The following OPRL1 variants were observed in gnomAD, a reference collection of about 807,000 sequenced individuals.
The protein encoded by OPRL1 is opioid related nociceptin receptor 1.
In OPRL1, 5 loss-of-function variants were observed where a neutral mutation model predicts 15.5. The ratio of observed to expected loss-of-function variants is 0.32; its 90% CI spans 0.17 to 0.68. The LOEUF (loss-of-function observed/expected upper bound fraction) is 0.68, where lower values mean the gene tolerates loss of function less well. Ranked by LOEUF, OPRL1 falls within the 30% of genes least tolerant of loss-of-function variation. The probability of loss-of-function intolerance (pLI) is 0.72; values close to 1 mark genes in which losing one functional copy is unlikely to be tolerated. For missense variants in OPRL1, 406 were observed against 515.3 expected (o/e 0.79, Z 2.05); for synonymous variants, 223 against 230.2 (o/e 0.97, Z 0.28).
In OPRL1 at chr20:64,097,850, C is replaced by A. The variant is rs1979362686; in HGVS notation, c.282C>A (p.Ala94=). Residue 94 remains alanine, a synonymous_variant, in exon 4 of 5, where the codon GCC becomes GCA. Transcript: ENST00000336866. This position sits in a 1 kb window ranked among gnomAD's most constrained non-coding sequence, Gnocchi z 4.2. ...TATNIYIFNL[A]LADTLVLLTL... is the part of the protein sequence containing the mutation. ...CCAATATTTACATCTTTAACCTGGCCCTGGCCGACACTCTGGTCCTGCTGA... is the reference window on the plus strand; with the variant it reads ...CCAATATTTACATCTTTAACCTGGCACTGGCCGACACTCTGGTCCTGCTGA... 1.2e-6 allele frequency: 2 copies of A among 1,613,618 alleles called. No individual in the cohort carries two copies. The highest frequency in any genetic ancestry group is 2.2e-5 in the South Asian group (2 of 91,088).
intron 4 of OPRL1, 25 bp downstream of exon 4, chr20:64,098,182 C>G: frequency 6.2e-7 from 1 of 1,607,230 alleles, no homozygotes; most frequent in Non-Finnish European, 8.5e-7. Flanking sequence ...CCCTCCTCCC[C>G]TCACCAGGCT....
intron 1 of OPRL1, among the ~76,000 whole-genome samples, chr20:64,088,974 G>T (rs372305427): frequency 7.0e-6 from 1 of 143,806 alleles, no homozygotes; most frequent in Non-Finnish European, 1.5e-5. Context: ...TTGCAAGGGG[G>T]CAGGATCTTT....
Position 64,099,209 on chromosome 20 carries a change from G to A in OPRL1, c.*410G>A, listed in dbSNP as rs563577664. On this transcript the variant is annotated 3_prime_UTR_variant, in exon 5 of 5. Coordinates refer to ENST00000336866, the MANE Select transcript of OPRL1 (RefSeq NM_182647.4). ...CTGGGTGGGCAGGCACCCGGAGGAG[G>A]AGCAGCAGCTGTGTCATCCTGTGCC... The A allele has an allele frequency of 6.2e-5, 15 of 240,640 alleles. No homozygotes were observed. Among genetic ancestry groups the A allele is most frequent in the African/African-American group, 3.1e-4 (14 of 44,466 alleles). 14.9% of individuals were successfully genotyped at this position (240,640 alleles called of 1,614,324 possible).
intron 1 of OPRL1, among the ~76,000 whole-genome samples, chr20:64,088,956 C>T (rs1340194441): frequency 8.5e-6 from 1 of 117,640 alleles, no homozygotes; most frequent in East Asian, 2.4e-4. Context: ...GCAGAGTGGC[C>T]AGGGTCTTTG....
At chr20:64,088,199 G>T (rs2060070039) in intron 1 of OPRL1, among the ~76,000 whole-genome samples, 1 of 152,256 alleles carries the variant, frequency 6.6e-6, no homozygotes, top group Non-Finnish European at 1.5e-5. Context: ...CCTGGGGTAG[G>T]CTTCTTGGAG....
intron 1 of OPRL1, chr20:64,084,180 G>A: frequency 6.9e-7 from 1 of 1,447,968 alleles, no homozygotes; most frequent in South Asian, 1.4e-5. Flanking sequence ...CTTCGCTCCC[G>A]CGGGCCCTTG....
chr20:64,089,867 G>A lies in OPRL1; in HGVS notation c.-184-2099G>A, dbSNP rs1424579570. 1.3e-5 allele frequency among the ~76,000 whole-genome samples: 2 copies of A among 152,212 alleles called. No homozygotes were observed. Among genetic ancestry groups the A allele is most frequent in the East Asian group, 1.9e-4 (1 of 5,194 alleles). ...TGGGAGGCAGGCTCAGGAAGCTCGG[G>A]TAGGAGGGTCTAGGGTCTCCTGCTC... On this transcript the variant is annotated intron_variant, in intron 1 of 4. Transcript: ENST00000336866. The surrounding 1 kb of genome is among the most constrained non-coding windows in gnomAD (Gnocchi z 5.5).
In OPRL1 at chr20:64,098,068, C is replaced by T. The variant is rs1457987866; in HGVS notation, c.500C>T (p.Ala167Val). Reference sequence around the variant, plus strand: ...CTCGACGTCCGCACGTCCAGCAAAGCCCAGGCTGTCAATGTGGCCATCTGG... The same window carrying T: ...CTCGACGTCCGCACGTCCAGCAAAGTCCAGGCTGTCAATGTGGCCATCTGG... ...RALDVRTSSK[A>V]QAVNVAIWAL... The change falls in exon 4 of 5, where the codon GCC becomes GTC. Residue 167 changes from alanine to valine, a missense_variant. Coordinates refer to ENST00000336866, the MANE Select transcript of OPRL1 (RefSeq NM_182647.4). 1.2e-6 allele frequency: 2 copies of T among 1,613,452 alleles called. No homozygotes were observed. The highest frequency in any genetic ancestry group is 1.7e-6 in the Non-Finnish European group (2 of 1,180,004).
intron 1 of OPRL1, among the ~76,000 whole-genome samples, chr20:64,088,609 TG>T (rs2060079549): frequency 6.6e-5 from 10 of 150,732 alleles, no homozygotes; most frequent in Admixed American, 6.6e-4. Flanking sequence ...GTAGGATCTG[TG>T]CAGAGTGGCC....
Position 64,097,962 on chromosome 20 carries a change from T to C in OPRL1, c.394T>C (p.Tyr132His), listed in dbSNP as rs138688007. 1 of 1,613,720 alleles carries C rather than the reference T, an allele frequency of 6.2e-7. No individual in the cohort carries two copies. The highest frequency in any genetic ancestry group is 8.5e-7 in the Non-Finnish European group (1 of 1,180,028). Residue 132 changes from tyrosine to histidine, a missense_variant, in exon 4 of 5, where the codon TAC becomes CAC. Tyr to His is a moderately conservative substitution (Grantham distance 83). Transcript: ENST00000336866. This position sits in a 1 kb window ranked among gnomAD's most constrained non-coding sequence, Gnocchi z 4.2. The part of the protein sequence containing the change: ...LCKTVIAIDY[Y>H]NMFTSTFTLT... ...CAAGACAGTCATTGCCATTGACTAC[T>C]ACAACATGTTCACCAGCACCTTCAC...
At position 64,092,739 on chromosome 20, in the gene OPRL1, G is replaced by T. The variant is rs375635141; in HGVS notation, c.19G>T (p.Ala7Ser). 1.7e-5 allele frequency: 28 copies of T among 1,612,500 alleles called. No homozygotes were observed. Among genetic ancestry groups the T allele is most frequent in the East Asian group, 1.1e-4 (5 of 44,846 alleles). The change falls in exon 3 of 5, where the codon GCG (alanine) becomes TCG (serine). Residue 7 changes from alanine to serine, a missense_variant. Ala to Ser is a moderately conservative substitution (Grantham distance 99). Transcript: ENST00000336866. ...CAGTGGCATGGAGCCCCTCTTCCCC[G>T]CGCCGTTCTGGGAGGTTATCTACGG... The part of the protein sequence containing the change: MEPLFP[A>S]PFWEVIYGSH...
rs752611444 is a variant in OPRL1 at position 64,092,963 on chromosome 20, G to A, written c.233+10G>A. ...TGTACGTCATCCTCAGGTAGGCTGG[G>A]CCCCAAGGTTCCTGTCTGGTGAGTC... On this transcript the variant is annotated intron_variant, in intron 3 of 4. Transcript: ENST00000336866. The A allele has an allele frequency of 6.2e-7, 1 of 1,610,076 alleles. No homozygotes were observed. Among genetic ancestry groups the A allele is most frequent in the East Asian group, 2.2e-5 (1 of 44,806 alleles).
chr20:64,092,342 G>A (rs2060127559), intron 2 of OPRL1, among the ~76,000 whole-genome samples: 1 of 152,218 alleles, frequency 6.6e-6, no homozygotes, highest in African/African-American at 2.4e-5. Context: ...GCGAGTGGCT[G>A]TGTGTTCATC....
At chr20:64,085,998 C>T (rs946620334) in intron 1 of OPRL1, among the ~76,000 whole-genome samples, 1 of 152,174 alleles carries the variant, frequency 6.6e-6, no homozygotes, top group African/African-American at 2.4e-5. Context: ...CCTGCAGGTG[C>T]CTTTGGGGTC....
In OPRL1 at chr20:64,090,654, C is replaced by T. The variant is rs1051433998; in HGVS notation, c.-184-1312C>T. Among the ~76,000 whole-genome samples, 2 of 152,180 alleles carry T rather than the reference C, an allele frequency of 1.3e-5. No homozygotes were observed. Among genetic ancestry groups the T allele is most frequent in the African/African-American group, 4.8e-5 (2 of 41,440 alleles). On this transcript the variant is annotated intron_variant, in intron 1 of 4. Transcript: ENST00000336866. This position sits in a 1 kb window ranked among gnomAD's most constrained non-coding sequence, Gnocchi z 4.9. ...CTCAGTGGATCAGGCATGGGACCCC[C>T]GTGCTGAGAAGGAGGCAACTCTGAA... is the stretch of plus-strand genomic sequence containing the variant.
chr20:64,096,277 G>A (rs577992619), intron 3 of OPRL1, among the ~76,000 whole-genome samples: 13 of 152,226 alleles, frequency 8.5e-5, no homozygotes, highest in South Asian at 2.1e-4. Context: ...AGGAGCTGCC[G>A]TGGCCACACT....
At position 64,083,996 on chromosome 20, in the gene OPRL1, G is replaced by C; in HGVS notation, c.-185+3644G>C. ...CGACCCGCACGGGAAGGTGGAGGCC[G>C]CCGCGCCCACGTCCTCCAGCAGGTC... On this transcript the variant is annotated intron_variant, in intron 1 of 4. Coordinates refer to ENST00000336866, the MANE Select transcript of OPRL1 (RefSeq NM_182647.4). The surrounding 1 kb of genome is among the most constrained non-coding windows in gnomAD (Gnocchi z 4.9). 1 of 1,488,252 alleles carries C rather than the reference G, an allele frequency of 6.7e-7. No homozygotes were observed. Among genetic ancestry groups the C allele is most frequent in the South Asian group, 1.3e-5 (1 of 78,926 alleles). 92.2% of individuals were successfully genotyped at this position (1,488,252 alleles called of 1,614,324 possible). A position where few individuals can be genotyped will look rare whatever the true frequency, so the allele number is the denominator to read the frequency against.
In OPRL1 at chr20:64,097,820, A is replaced by G. The variant is rs1474570013; in HGVS notation, c.252A>G (p.Thr84=). ...YVILRHTKMK[T]ATNIYIFNLA... ...TCCGCAGGCACACCAAAATGAAGAC[A>G]GCCACCAATATTTACATCTTTAACC... is the stretch of plus-strand genomic sequence containing the variant. Residue 84 remains threonine, a synonymous_variant, in exon 4 of 5, where the codon ACA becomes ACG. Coordinates refer to ENST00000336866, the MANE Select transcript of OPRL1 (RefSeq NM_182647.4). This position sits in a 1 kb window ranked among gnomAD's most constrained non-coding sequence, Gnocchi z 4.2. 1 of 1,612,074 alleles carries G rather than the reference A, an allele frequency of 6.2e-7. No individual in the cohort carries two copies. Among genetic ancestry groups the G allele is most frequent in the Non-Finnish European group, 8.5e-7 (1 of 1,178,724 alleles).
rs1176024865 is a variant in OPRL1, at chr20:64,090,369, A to G, written c.-184-1597A>G. On this transcript the variant is annotated intron_variant, in intron 1 of 4. Coordinates refer to ENST00000336866, the MANE Select transcript of OPRL1 (RefSeq NM_182647.4). This position sits in a 1 kb window ranked among gnomAD's most constrained non-coding sequence, Gnocchi z 4.9. ...GATGCAGGGAGAAATCCTGGGGGACAGCGAGGGATGCTGGGTCCTGGGGCA... is the reference window on the plus strand; with the variant it reads ...GATGCAGGGAGAAATCCTGGGGGACGGCGAGGGATGCTGGGTCCTGGGGCA... 6.6e-6 allele frequency among the ~76,000 whole-genome samples: 1 copy of G among 152,204 alleles called. No homozygotes were observed. Among genetic ancestry groups the G allele is most frequent in the Non-Finnish European group, 1.5e-5 (1 of 68,024 alleles).
Sources: allele counts gnomAD v4.1 joint callset (sites outside exome capture counted in the v4.1 genomes callset), GRCh38; gene constraint gnomAD v4.1.1; non-coding constraint Gnocchi (gnomAD v3.1); transcripts MANE v1.5; gene names NCBI Gene and HGNC (gene_info 2026-07-23, HGNC 2026-07-21).